The following IGF2BP3 variants were observed in gnomAD, a reference collection of about 807,000 sequenced individuals.
IGF2BP3 encodes insulin like growth factor 2 mRNA binding protein 3.
A neutral mutation model predicts 73.8 loss-of-function variants in IGF2BP3; 9 were observed. That is an observed-to-expected ratio of 0.12 (90% confidence interval 0.07 to 0.21). The LOEUF (loss-of-function observed/expected upper bound fraction) is 0.21, where lower values mean the gene tolerates loss of function less well. IGF2BP3 is among the 10% of genes least tolerant of loss of function. The pLI is 1.00. For missense variants in IGF2BP3, 542 were observed against 714.0 expected (o/e 0.76, Z 2.75); for synonymous variants, 258 against 256.7 (o/e 1.01, Z -0.05).
intron 3 of IGF2BP3, among the ~76,000 whole-genome samples, chr7:23,371,176 C>T (rs1296850645): frequency 1.3e-5 from 2 of 152,034 alleles, no homozygotes; most frequent in Non-Finnish European, 2.9e-5. Flanking sequence ...CACACACACA[C>T]ACCCTTCCAA....
chr7:23,320,999 A>C (rs1784128712), intron 10 of IGF2BP3, among the ~76,000 whole-genome samples: 2 of 152,020 alleles, frequency 1.3e-5, no homozygotes, highest in South Asian at 4.1e-4. Context: ...GAAAGGAAAA[A>C]CCCAGTATGT....
At chr7:23,415,037 C>T (rs997767143) in intron 3 of IGF2BP3, 13 of 204,010 alleles carry the variant, frequency 6.4e-5, no homozygotes, top group Non-Finnish European at 1.0e-4. Context: ...AGGTCCCATC[C>T]GTCAGTCAGC....
At chr7:23,466,224 T>C (rs573553687) in intron 2 of IGF2BP3, among the ~76,000 whole-genome samples, 1 of 152,236 alleles carries the variant, frequency 6.6e-6, no homozygotes, top group Non-Finnish European at 1.5e-5. Context: ...GGTTTCACCA[T>C]GTTGACCAGG....
intron 2 of IGF2BP3, among the ~76,000 whole-genome samples, chr7:23,455,622 A>G (rs556422357): frequency 6.6e-6 from 1 of 152,284 alleles, no homozygotes; most frequent in African/African-American, 2.4e-5. Flanking sequence ...AAAGACTGTC[A>G]CCCAGGAAAT....
intron 2 of IGF2BP3, among the ~76,000 whole-genome samples, chr7:23,422,362 T>TC (rs772727995): frequency 1.3e-5 from 2 of 152,152 alleles, no homozygotes; most frequent in Non-Finnish European, 2.9e-5. Flanking sequence ...TCCCAGCCTT[T>TC]TGGGGGGCCA....
intron 2 of IGF2BP3, among the ~76,000 whole-genome samples, chr7:23,444,574 TCTACTAAA>T (rs1352790039): frequency 1.9e-4 from 29 of 151,792 alleles, no homozygotes; most frequent in African/African-American, 6.8e-4. Context: ...AACCCCCATC[TCTACTAAA>T]AAATACGAAA....
At chr7:23,332,976 A>T (rs1243826034) in intron 10 of IGF2BP3, among the ~76,000 whole-genome samples, 1 of 152,244 alleles carries the variant, frequency 6.6e-6, no homozygotes, top group Non-Finnish European at 1.5e-5. Flanking sequence ...GACCTTTTCA[A>T]TGGTCAAACT....
At chr7:23,431,735 G>GACTA (rs946530485) in intron 2 of IGF2BP3, among the ~76,000 whole-genome samples, 1 of 152,048 alleles carries the variant, frequency 6.6e-6, no homozygotes, top group South Asian at 2.1e-4. Context: ...CACCACAAGG[G>GACTA]ACTAACTAAA....
chr7:23,326,004 G>A (rs1390420756), intron 10 of IGF2BP3, among the ~76,000 whole-genome samples: 9 of 152,124 alleles, frequency 5.9e-5, no homozygotes, highest in African/African-American at 1.9e-4. Flanking sequence ...ACATAGGCAT[G>A]GGCAAGGACT....
At chr7:23,322,010 A>T (rs146585095) in intron 10 of IGF2BP3, among the ~76,000 whole-genome samples, 3 of 152,244 alleles carry the variant, frequency 2.0e-5, no homozygotes, top group South Asian at 2.1e-4. Flanking sequence ...CTTAAAAAGC[A>T]GAGTGCCTCT....
intron 2 of IGF2BP3, among the ~76,000 whole-genome samples, chr7:23,426,806 C>G (rs527929711): frequency 4.6e-5 from 7 of 152,276 alleles, no homozygotes; most frequent in Middle Eastern, 3.4e-3. Flanking sequence ...ATGTTGGCAG[C>G]TACTAGTGAT....
intron 3 of IGF2BP3, among the ~76,000 whole-genome samples, chr7:23,388,265 G>A (rs1475847184): frequency 1.3e-5 from 2 of 152,098 alleles, no homozygotes; most frequent in Non-Finnish European, 2.9e-5. Flanking sequence ...TTAAATATAT[G>A]ATCCAGTTAT....
intron 10 of IGF2BP3, among the ~76,000 whole-genome samples, chr7:23,336,124 G>A (rs1784566427): frequency 6.6e-6 from 1 of 151,746 alleles, no homozygotes. Flanking sequence ...CTACAAAGCA[G>A]GAATGAGAAA....
intron 2 of IGF2BP3, among the ~76,000 whole-genome samples, chr7:23,448,444 CTG>C (rs1186026234): frequency 3.3e-5 from 5 of 152,178 alleles, no homozygotes; most frequent in Non-Finnish European, 5.9e-5. Flanking sequence ...GGATCTCACT[CTG>C]TTGCTCAGGC....
At chr7:23,348,916 C>T (rs1487862616) in intron 6 of IGF2BP3, among the ~76,000 whole-genome samples, 11 of 152,058 alleles carry the variant, frequency 7.2e-5, no homozygotes, top group Admixed American at 7.2e-4. Context: ...GGTAAAATTA[C>T]AAGTACCAAC....
Position 23,348,403 on chromosome 7 carries a change from A to G in IGF2BP3, c.684-669T>C, listed in dbSNP as rs147753895. On this transcript the variant is annotated intron_variant, in intron 6 of 14. Transcript: ENST00000258729. Reference sequence around the variant, plus strand: ...TAGACTTGCAAAAATTGAGATAGAAAAAATTAAATATGGGCAAGATGATGG... The same window carrying G: ...TAGACTTGCAAAAATTGAGATAGAAGAAATTAAATATGGGCAAGATGATGG... 9.6e-4 allele frequency among the ~76,000 whole-genome samples: 146 copies of G among 152,344 alleles called. 2 individuals are homozygous for G. In the Middle Eastern group the frequency reaches 0.02, roughly 21 times the overall value.
chr7:23,328,727 A>G (rs1043925101), intron 10 of IGF2BP3, among the ~76,000 whole-genome samples: 1 of 152,214 alleles, frequency 6.6e-6, no homozygotes, highest in African/African-American at 2.4e-5. Context: ...TACATGACCA[A>G]GTAATTTAGA....
intron 2 of IGF2BP3, among the ~76,000 whole-genome samples, chr7:23,465,502 C>T (rs1173999293): frequency 6.7e-6 from 1 of 148,820 alleles, no homozygotes; most frequent in Non-Finnish European, 1.5e-5. Context: ...CCAAATTCAA[C>T]CTTACTACTT....
chr7:23,469,052 T>C lies in IGF2BP3; in HGVS notation c.176-510A>G, dbSNP rs1007663856. ...CAGGGGAGACCACGAACGGGAGAAC[T>C]GGCAGAGGCGCAGCTCGGCACAGGC... On this transcript the variant is annotated intron_variant, in intron 1 of 14. Coordinates refer to ENST00000258729, the MANE Select transcript of IGF2BP3 (RefSeq NM_006547.3). This position sits in a 1 kb window ranked among gnomAD's most constrained non-coding sequence, Gnocchi z 6.1. Among the ~76,000 whole-genome samples the C allele has an allele frequency of 1.3e-5, 2 of 152,180 alleles. No individual in the cohort carries two copies. The highest frequency in any genetic ancestry group is 2.4e-5 in the African/African-American group (1 of 41,440).
Sources: gnomAD v4.1 joint callset for allele counts (sites outside exome capture counted in the v4.1 genomes callset) on GRCh38, gnomAD v4.1.1 for gene constraint, Gnocchi (gnomAD v3.1) non-coding constraint, MANE v1.5 for transcripts, NCBI Gene and HGNC (gene_info 2026-07-23, HGNC 2026-07-21) for gene names.